The following PLEKHG1 variants were observed in gnomAD, a reference collection of about 807,000 sequenced individuals.
PLEKHG1 encodes the protein pleckstrin homology and RhoGEF domain containing G1.
In PLEKHG1, 44 loss-of-function variants were observed where a neutral mutation model predicts 100.8. The observed-to-expected ratio is 0.44, with a 90% CI of 0.34 to 0.56. The LOEUF (loss-of-function observed/expected upper bound fraction) is 0.56, where lower values mean the gene tolerates loss of function less well. PLEKHG1 is among the 20% of genes least tolerant of loss of function. The pLI, the probability that PLEKHG1 is intolerant of heterozygous loss-of-function variation, is 0.01. For missense variants in PLEKHG1, 1,545 were observed against 1,720.9 expected (o/e 0.90, Z 1.81); for synonymous variants, 640 against 662.5 (o/e 0.97, Z 0.52).
intron 3 of PLEKHG1, among the ~76,000 whole-genome samples, chr6:150,696,989 T>TGG (rs1326677127): frequency 6.6e-6 from 1 of 151,760 alleles, no homozygotes; most frequent in Admixed American, 6.6e-5. Context: ...CCCAGCTACT[T>TGG]GGGAGGCTGA....
intron 10 of PLEKHG1, 93 bp downstream of exon 11, chr6:150,809,827 T>C: frequency 1.2e-6 from 1 of 846,916 alleles, no homozygotes; most frequent in South Asian, 1.6e-5. Context: ...CGAGATCACA[T>C]CATTGAACTC....
intron 2 of PLEKHG1, among the ~76,000 whole-genome samples, chr6:150,763,021 C>CTGCT (rs1554269442): frequency 2.4e-5 from 1 of 41,152 alleles, no homozygotes; most frequent in Non-Finnish European, 3.9e-5. Flanking sequence ...AGGGATAAAG[C>CTGCT]TTCTTTTTTT....
intron 2 of PLEKHG1, among the ~76,000 whole-genome samples, chr6:150,765,569 G>A (rs1291251297): frequency 2.6e-5 from 4 of 151,984 alleles, no homozygotes; most frequent in Non-Finnish European, 5.9e-5. Flanking sequence ...CTATTTCCGG[G>A]CATCTCATAG....
intron 4 of PLEKHG1, among the ~76,000 whole-genome samples, chr6:150,795,105 A>ATTTT (rs1786238660): frequency 6.6e-6 from 1 of 152,112 alleles, no homozygotes; most frequent in African/African-American, 2.4e-5. Flanking sequence ...ATATAATTTC[A>ATTTT]AGGCCAGGCA....
intron 10 of PLEKHG1, among the ~76,000 whole-genome samples, chr6:150,817,242 C>A (rs1364230526): frequency 6.6e-6 from 1 of 152,178 alleles, no homozygotes; most frequent in East Asian, 1.9e-4. Flanking sequence ...AGAGCACCCA[C>A]CTAGTGAAGT....
chr6:150,602,571 C>T (rs930323665), intron 1 of PLEKHG1, among the ~76,000 whole-genome samples: 1 of 152,188 alleles, frequency 6.6e-6, no homozygotes, highest in African/African-American at 2.4e-5. Flanking sequence ...CATTTTCACA[C>T]CTTTCCTCCT....
chr6:150,717,059 T>G (rs1481308070), upstream of PLEKHG1, among the ~76,000 whole-genome samples: 1 of 152,178 alleles, frequency 6.6e-6, no homozygotes, highest in Non-Finnish European at 1.5e-5. Flanking sequence ...TAAGACAGAC[T>G]CTTACTCTGT....
chr6:150,752,073 C>G (rs1174757001), intron 2 of PLEKHG1, among the ~76,000 whole-genome samples: 1 of 152,074 alleles, frequency 6.6e-6, no homozygotes, highest in African/African-American at 2.4e-5. Flanking sequence ...GTAATCCCAG[C>G]TGCTCGGGAG....
rs570888642 is a variant in PLEKHG1 at position 150,763,023 on chromosome 6, T to G, written c.412-5615T>G. ...GAGCACCAACAGGAGGGATAAAGCTTCTTTTTTTTTTTTTTTTTTTTGAGA... is the reference window on the plus strand; with the variant it reads ...GAGCACCAACAGGAGGGATAAAGCTGCTTTTTTTTTTTTTTTTTTTTGAGA... On this transcript the variant is annotated intron_variant, in intron 2 of 15. Transcript: ENST00000358517. Among the ~76,000 whole-genome samples, 622 of 91,722 alleles carry G rather than the reference T, an allele frequency of 6.8e-3. 1 individual carries two copies. The highest frequency in any genetic ancestry group is 0.011 in the Non-Finnish European group (488 of 45,738). 60.2% of individuals were successfully genotyped at this position (91,722 alleles called of 152,430 possible). A position where few individuals can be genotyped will look rare whatever the true frequency, so the allele number is the denominator to read the frequency against.
intron 1 of PLEKHG1, among the ~76,000 whole-genome samples, chr6:150,608,629 A>G (rs1425836715): frequency 2.6e-5 from 4 of 152,226 alleles, no homozygotes; most frequent in South Asian, 2.1e-4. Context: ...CGATGCTTCA[A>G]TATGCATAAT....
chr6:150,719,234 G>A (rs181546117), upstream of PLEKHG1, among the ~76,000 whole-genome samples: 526 of 152,070 alleles, frequency 3.5e-3, 4 homozygotes, highest in African/African-American at 0.012. Context: ...CTTTGTTTAC[G>A]TTTAACATAC....
upstream of PLEKHG1, among the ~76,000 whole-genome samples, chr6:150,717,952 C>A (rs974686586): frequency 6.6e-6 from 1 of 152,064 alleles, no homozygotes; most frequent in African/African-American, 2.4e-5. Context: ...GTGGTGCACA[C>A]CTGTAGTCCC....
intron 1 of PLEKHG1, among the ~76,000 whole-genome samples, chr6:150,616,563 G>A (rs1777080473): frequency 6.6e-6 from 1 of 152,224 alleles, no homozygotes. Flanking sequence ...TCAACTTTTG[G>A]TGGGATGCCC....
intron 14 of PLEKHG1, among the ~76,000 whole-genome samples, chr6:150,824,978 G>A (rs942722489): frequency 3.3e-5 from 5 of 152,058 alleles, no homozygotes; most frequent in Non-Finnish European, 5.9e-5. Context: ...TTCATAAGTG[G>A]GGTCACTGCA....
intron 3 of PLEKHG1, among the ~76,000 whole-genome samples, chr6:150,702,187 G>A (rs9480543): frequency 0.092 from 13,994 of 152,200 alleles, 1,880 homozygotes; most frequent in African/African-American, 0.3. Context: ...AAGTTATGTT[G>A]TAGGCTGGGC....
intron 3 of PLEKHG1, among the ~76,000 whole-genome samples, chr6:150,665,321 G>C (rs997385502): frequency 6.6e-6 from 1 of 152,188 alleles, no homozygotes; most frequent in Non-Finnish European, 1.5e-5. Context: ...CTTCCTGCCT[G>C]TATCAAGGCA....
intron 6 of PLEKHG1, among the ~76,000 whole-genome samples, chr6:150,803,965 A>G (rs1786858713): frequency 6.6e-6 from 1 of 151,384 alleles, no homozygotes; most frequent in African/African-American, 2.4e-5. Flanking sequence ...CACGTCTGTT[A>G]TAATAACTAT....
upstream of PLEKHG1, among the ~76,000 whole-genome samples, chr6:150,720,713 A>G (rs550559578): frequency 2.1e-4 from 32 of 152,196 alleles, 1 homozygote; most frequent in South Asian, 6.6e-3. Context: ...AAACAAGCCC[A>G]TGATTCAGGA....
intron 2 of PLEKHG1, among the ~76,000 whole-genome samples, chr6:150,642,016 TA>T (rs202088786): frequency 5.3e-5 from 8 of 150,038 alleles, no homozygotes; most frequent in East Asian, 3.9e-4. Flanking sequence ...GAAGCCTGGG[TA>T]AAAAAAAACT....
Sources: gnomAD v4.1 joint callset for allele counts (sites outside exome capture counted in the v4.1 genomes callset) on GRCh38, gnomAD v4.1.1 for gene constraint, MANE v1.5 for transcripts, NCBI Gene and HGNC (gene_info 2026-07-23, HGNC 2026-07-21) for gene names.